Variants in PLCB4 observed in about 807,000 individuals in gnomAD.
PLCB4 encodes 1-phosphatidylinositol 4,5-bisphosphate phosphodiesterase beta-4.
Under a neutral mutation model 178.8 loss-of-function variants are expected in PLCB4, and 77 were observed. That is an observed-to-expected ratio of 0.43 (90% CI 0.36 to 0.52). The LOEUF (loss-of-function observed/expected upper bound fraction) is 0.52, where lower values mean the gene tolerates loss of function less well. PLCB4 is among the 20% of genes least tolerant of loss of function. The pLI is 0.00. For missense variants in PLCB4, 1,024 were observed against 1,453.4 expected, an observed-to-expected ratio of 0.70 and a Z score of 4.80; for synonymous variants, 496 against 490.8, an observed-to-expected ratio of 1.01 and a Z score of -0.14.
chr20:9,438,608 A>C (rs958012159), intron 30 of PLCB4, among the ~76,000 whole-genome samples: 1 of 152,146 alleles, frequency 6.6e-6, no homozygotes, highest in African/African-American at 2.4e-5. Context: ...GCAATTACCA[A>C]ATCTATATCA....
chr20:9,116,244 C>T (rs1200723431), intron 2 of PLCB4, among the ~76,000 whole-genome samples: 1 of 151,940 alleles, frequency 6.6e-6, no homozygotes, highest in Non-Finnish European at 1.5e-5. Flanking sequence ...CACTCCACTC[C>T]ATTTCACATT....
intron 7 of PLCB4, among the ~76,000 whole-genome samples, chr20:9,352,411 A>G (rs908160145): frequency 6.6e-6 from 1 of 152,224 alleles, no homozygotes; most frequent in Non-Finnish European, 1.5e-5. Flanking sequence ...GGACATTGCT[A>G]CAGGGTATCT....
intron 7 of PLCB4, among the ~76,000 whole-genome samples, chr20:9,340,224 C>A (rs1275101313): frequency 2.0e-5 from 3 of 152,116 alleles, no homozygotes; most frequent in African/African-American, 7.2e-5. Flanking sequence ...CAAAACTTAA[C>A]CATGAATCCA....
intron 1 of PLCB4, among the ~76,000 whole-genome samples, chr20:9,071,396 T>C (rs1456313240): frequency 6.6e-6 from 1 of 152,188 alleles, no homozygotes; most frequent in Non-Finnish European, 1.5e-5. Flanking sequence ...TATTAAGAAT[T>C]GAAATGTTTG....
chr20:9,345,642 A>G (rs2033721767), intron 7 of PLCB4, among the ~76,000 whole-genome samples: 1 of 152,216 alleles, frequency 6.6e-6, no homozygotes, highest in Non-Finnish European at 1.5e-5. Flanking sequence ...TTCAAAATGC[A>G]AATATTGGGA....
intron 38 of PLCB4, among the ~76,000 whole-genome samples, chr20:9,476,382 G>A (rs1445429156): frequency 1.7e-4 from 26 of 152,020 alleles, no homozygotes. Flanking sequence ...TCACACACTC[G>A]AGTCTCAAAA....
chr20:9,369,878 G>A (rs2036095831), intron 9 of PLCB4, among the ~76,000 whole-genome samples: 3 of 152,198 alleles, frequency 2.0e-5, no homozygotes. Flanking sequence ...TGTGCTCACA[G>A]GGGAGGCATT....
intron 2 of PLCB4, among the ~76,000 whole-genome samples, chr20:9,108,855 G>A (rs954930252): frequency 2.0e-5 from 3 of 150,514 alleles, no homozygotes; most frequent in African/African-American, 7.4e-5. Flanking sequence ...GCCAATTGCA[G>A]GAGAGAGATA....
chr20:9,298,983 C>G (rs2094672730), intron 3 of PLCB4, among the ~76,000 whole-genome samples: 1 of 151,984 alleles, frequency 6.6e-6, no homozygotes, highest in Admixed American at 6.6e-5. Flanking sequence ...ATTCCAGTAC[C>G]ATCACAATCA....
intron 14 of PLCB4, among the ~76,000 whole-genome samples, chr20:9,384,880 A>T (rs1027225629): frequency 6.7e-6 from 1 of 149,452 alleles, no homozygotes; most frequent in African/African-American, 2.5e-5. Context: ...GGGTCATAGG[A>T]TAATAGTGGA....
intron 3 of PLCB4, among the ~76,000 whole-genome samples, chr20:9,243,122 A>G (rs1040310156): frequency 1.3e-5 from 2 of 152,234 alleles, no homozygotes; most frequent in Admixed American, 1.3e-4. Context: ...AGAACCAAAC[A>G]TAACCCAATG....
At chr20:9,372,929 A>G in intron 11 of PLCB4, 118 bp from the exon 12 acceptor site, 1 of 527,808 alleles carries the variant, frequency 1.9e-6, no homozygotes. Flanking sequence ...AGAATTCACC[A>G]CTACTTCAGG....
In PLCB4 at chr20:9,244,525, A is replaced by AT. The variant is rs752231623; in HGVS notation, c.-16+27073_-16+27074insT. Among the ~76,000 whole-genome samples the AT allele has an allele frequency of 3.9e-5, 6 of 152,202 alleles. No individual in the cohort carries two copies. The South Asian group carries it at 1.2e-3, about 31-fold the overall frequency. On this transcript the variant is annotated intron_variant, in intron 3 of 39. Coordinates refer to ENST00000378473, the MANE Select transcript of PLCB4 (RefSeq NM_001377142.1). ...TGAACTCCTGCAGGGAACAAAAAAAAGGTAATATTGGCCCCATACAATACA... is the reference window on the plus strand; with the variant it reads ...TGAACTCCTGCAGGGAACAAAAAAAATGGTAATATTGGCCCCATACAATACA...
chr20:9,242,339 A>G (rs1462470857), intron 3 of PLCB4, among the ~76,000 whole-genome samples: 2 of 152,218 alleles, frequency 1.3e-5, no homozygotes, highest in Non-Finnish European at 2.9e-5. Context: ...TGAAGAGATC[A>G]GCTTTAAAGA....
chr20:9,441,879 C>G (rs1011343222), intron 30 of PLCB4, among the ~76,000 whole-genome samples: 2 of 150,796 alleles, frequency 1.3e-5, no homozygotes, highest in Admixed American at 6.6e-5. Context: ...CTTAGACATT[C>G]AGCCAAACAG....
chr20:9,248,568 T>A (rs2094148085), intron 3 of PLCB4, among the ~76,000 whole-genome samples: 1 of 152,234 alleles, frequency 6.6e-6, no homozygotes, highest in Non-Finnish European at 1.5e-5. Flanking sequence ...CAGCCTTTTG[T>A]GTCAGATTAA....
At chr20:9,156,830 TCCCTCCC>T (rs2092797484) in intron 2 of PLCB4, among the ~76,000 whole-genome samples, 2 of 64,866 alleles carry the variant, frequency 3.1e-5, no homozygotes, top group Non-Finnish European at 5.9e-5. Context: ...CCTCCCTCCC[TCCCTCCC>T]TCCCTCCCTC....
chr20:9,266,280 GT>G (rs921115100), intron 3 of PLCB4, among the ~76,000 whole-genome samples: 6 of 152,084 alleles, frequency 3.9e-5, no homozygotes, highest in African/African-American at 1.4e-4. Context: ...TTGTTTGTCT[GT>G]TTTTGCTTGT....
At chr20:9,401,729 G>A in intron 20 of PLCB4, 139 bp downstream of exon 20, 2 of 623,040 alleles carry the variant, frequency 3.2e-6, no homozygotes, top group Non-Finnish European at 5.7e-6. Context: ...TCTGTGCTGG[G>A]TGACCAGAAC....
Sources: gnomAD v4.1 joint callset for allele counts (sites outside exome capture counted in the v4.1 genomes callset) on GRCh38, gnomAD v4.1.1 for gene constraint, MANE v1.5 for transcripts, NCBI Gene and HGNC (gene_info 2026-07-23, HGNC 2026-07-21) for gene names.